The following THSD4 variants were observed in gnomAD, a reference collection of about 807,000 sequenced individuals.
THSD4 encodes thrombospondin type 1 domain containing 4.
Under a neutral mutation model 119.0 loss-of-function variants are expected in THSD4, and 69 were observed. The observed-to-expected ratio is 0.58, with a 90% confidence interval of 0.48 to 0.71. THSD4 has a LOEUF of 0.71. Among genes scored for constraint, THSD4 ranks in the 30% least tolerant of loss-of-function variants. The probability of loss-of-function intolerance (pLI) is 0.00; values close to 1 mark genes in which losing one functional copy is unlikely to be tolerated. For missense variants in THSD4, 1,393 were observed against 1,391.1 expected, an observed-to-expected ratio of 1.00 and a Z score of -0.02; for synonymous variants, 524 against 540.4, an observed-to-expected ratio of 0.97 and a Z score of 0.42.
chr15:71,343,607 C>T (rs2045611169), intron 6 of THSD4, among the ~76,000 whole-genome samples: 1 of 152,008 alleles, frequency 6.6e-6, no homozygotes, highest in African/African-American at 2.4e-5. Flanking sequence ...TTCAAGTGAC[C>T]TTCTGCTCTG....
At position 71,417,256 on chromosome 15, in the gene THSD4, A is replaced by G. The variant is rs948055684; in HGVS notation, c.1152+5433A>G. 2.8e-5 allele frequency among the ~76,000 whole-genome samples: 3 copies of G among 106,746 alleles called. 1 individual carries two copies. The highest frequency in any genetic ancestry group is 6.1e-5 in the Non-Finnish European group (3 of 48,890). 70.0% of individuals were successfully genotyped at this position (106,746 alleles called of 152,430 possible). ...TAACTTGATGTGGTCTGATTTGTCC[A>G]TTTTTGCTTTGGTTGCCTGTGTTTG... On this transcript the variant is annotated intron_variant, in intron 7 of 17. Transcript: ENST00000261862.
Position 71,737,917 on chromosome 15 carries a change from G to A in THSD4, c.1816G>A (p.Val606Met). 6.2e-7 allele frequency: 1 copy of A among 1,614,254 alleles called. No homozygotes were observed. Among genetic ancestry groups the A allele is most frequent in the Non-Finnish European group, 8.5e-7 (1 of 1,180,036 alleles). Residue 606 changes from valine to methionine, a missense_variant, in exon 11 of 18, where the codon GTG becomes ATG. Val to Met is a conservative substitution (Grantham distance 21). Transcript: ENST00000261862. Reference sequence around the variant, plus strand: ...TTCTCCCCATCGACCGGACAACTTGGTGCCACCAGCACCGCAGCCCCCACG... The same window carrying A: ...TTCTCCCCATCGACCGGACAACTTGATGCCACCAGCACCGCAGCCCCCACG... The part of the protein sequence containing the change: ...RFSPHRPDNL[V>M]PPAPQPPRRS...
intron 7 of THSD4, among the ~76,000 whole-genome samples, chr15:71,609,198 G>C (rs528902430): frequency 5.9e-5 from 9 of 152,258 alleles, no homozygotes; most frequent in South Asian, 4.1e-4. Flanking sequence ...AAAGAATAGA[G>C]GATGTAATGT....
At chr15:71,478,220 G>T (rs2047679229) in intron 7 of THSD4, among the ~76,000 whole-genome samples, 1 of 152,154 alleles carries the variant, frequency 6.6e-6, no homozygotes, top group African/African-American at 2.4e-5. Context: ...ACATCAGAAA[G>T]CCCAGACCTG....
At chr15:71,543,886 G>C (rs769966900) in intron 7 of THSD4, among the ~76,000 whole-genome samples, 16 of 152,148 alleles carry the variant, frequency 1.1e-4, no homozygotes, top group Non-Finnish European at 2.2e-4. Context: ...AAATTAGCCA[G>C]GCATGGTGGT....
intron 6 of THSD4, among the ~76,000 whole-genome samples, chr15:71,337,282 T>C (rs1449362457): frequency 1.3e-5 from 2 of 152,198 alleles, no homozygotes; most frequent in East Asian, 3.9e-4. Context: ...ACATACAGCA[T>C]GTGGTTGCAT....
chr15:71,486,611 GTTTT>G (rs200120589), intron 7 of THSD4, among the ~76,000 whole-genome samples: 11 of 131,706 alleles, frequency 8.4e-5, no homozygotes, highest in African/African-American at 1.8e-4. Flanking sequence ...TTTCTTTTCT[GTTTT>G]TTTTTTTTTT....
At chr15:71,442,660 G>GTGTATGTATGTGTATATATATA in intron 7 of THSD4, among the ~76,000 whole-genome samples, 1 of 25,818 alleles carries the variant, frequency 3.9e-5, no homozygotes, top group African/African-American at 1.1e-4. Context: ...GTGTGTGTGT[G>GTGTATGTATGTGTATATATATA]TATATATATA....
chr15:71,325,358 GTC>G (rs1238688451), intron 6 of THSD4, among the ~76,000 whole-genome samples: 1 of 152,122 alleles, frequency 6.6e-6, no homozygotes, highest in African/African-American at 2.4e-5. Flanking sequence ...CAGTTCAACA[GTC>G]TCTGAGTACT....
At chr15:71,515,169 T>A (rs1016358565) in intron 7 of THSD4, among the ~76,000 whole-genome samples, 22 of 152,238 alleles carry the variant, frequency 1.4e-4, no homozygotes, top group African/African-American at 5.1e-4. Flanking sequence ...AATGTGTTAT[T>A]CTGTGTCACC....
chr15:71,206,819 C>T (rs932703286), intron 3 of THSD4, among the ~76,000 whole-genome samples: 1 of 152,172 alleles, frequency 6.6e-6, no homozygotes, highest in Non-Finnish European at 1.5e-5. Context: ...AAATCTTTCT[C>T]CATTTAATCT....
chr15:71,291,892 G>A (rs772252109), intron 6 of THSD4, among the ~76,000 whole-genome samples: 1 of 152,122 alleles, frequency 6.6e-6, no homozygotes, highest in Admixed American at 6.5e-5. Flanking sequence ...GACTAGTTGT[G>A]TTCTAGGCTG....
chr15:71,414,753 AAC>A (rs1280253852), intron 7 of THSD4, among the ~76,000 whole-genome samples: 9 of 152,228 alleles, frequency 5.9e-5, no homozygotes, highest in African/African-American at 1.9e-4. Context: ...ACTTTACGGC[AAC>A]ACAGTTTGCA....
intron 7 of THSD4, among the ~76,000 whole-genome samples, chr15:71,498,393 T>G (rs2048059652): frequency 6.6e-6 from 1 of 152,248 alleles, no homozygotes; most frequent in South Asian, 2.1e-4. Flanking sequence ...TTTGCATTTT[T>G]TCACCCCAGT....
chr15:71,543,043 C>T (rs1462474503), intron 7 of THSD4, among the ~76,000 whole-genome samples: 1 of 123,394 alleles, frequency 8.1e-6, no homozygotes, highest in Non-Finnish European at 2.0e-5. Flanking sequence ...TAATTGTGGT[C>T]TCCTGGATTG....
chr15:71,165,322 C>T (rs1490565504), intron 3 of THSD4: 2 of 1,581,484 alleles, frequency 1.3e-6, no homozygotes, highest in Non-Finnish European at 1.7e-6. Flanking sequence ...ACTGAAGCAT[C>T]TGGGTGCTTC....
chr15:71,182,219 G>A (rs1299102735), intron 3 of THSD4, among the ~76,000 whole-genome samples: 1 of 151,672 alleles, frequency 6.6e-6, no homozygotes, highest in East Asian at 1.9e-4. Flanking sequence ...TTGTTCTAGA[G>A]TTTGCCTGCT....
intron 7 of THSD4, among the ~76,000 whole-genome samples, chr15:71,537,158 T>C (rs2048698247): frequency 6.6e-6 from 1 of 152,206 alleles, no homozygotes; most frequent in Non-Finnish European, 1.5e-5. Flanking sequence ...ATCTTTGAAA[T>C]CATTCACTTC....
intron 3 of THSD4, 23 bp from the exon 4 acceptor site, chr15:71,215,012 C>T: frequency 2.4e-6 from 3 of 1,247,464 alleles, no homozygotes; most frequent in Non-Finnish European, 2.0e-6. Context: ...TTCTGGTCCC[C>T]TAACCTGCCT....
Sources: gnomAD v4.1 joint callset for allele counts (sites outside exome capture counted in the v4.1 genomes callset) on GRCh38, gnomAD v4.1.1 for gene constraint, MANE v1.5 for transcripts, NCBI Gene and HGNC (gene_info 2026-07-23, HGNC 2026-07-21) for gene names.